The following NAALADL2 variants were observed in gnomAD, a reference collection of about 807,000 sequenced individuals.
NAALADL2 encodes the protein N-acetylated alpha-linked acidic dipeptidase like 2.
Under a neutral mutation model 87.2 loss-of-function variants are expected in NAALADL2, and 76 were observed. That is an observed-to-expected ratio of 0.87 (90% CI 0.72 to 1.05). The LOEUF is 1.05. Ranked by LOEUF, NAALADL2 falls within the 50% of genes least tolerant of loss-of-function variation. NAALADL2 has a pLI of 0.00. For synonymous variants in NAALADL2, 354 were observed against 331.0 expected (o/e 1.07, Z -0.75); for missense variants, 1,089 against 945.8 (o/e 1.15, Z -1.99).
chr3:175,371,920 G>C (rs368955626), intron 5 of NAALADL2, among the ~76,000 whole-genome samples: 1 of 151,990 alleles, frequency 6.6e-6, no homozygotes, highest in Non-Finnish European at 1.5e-5. Context: ...TCCACAAAGC[G>C]TTCCTTCTAG....
chr3:175,076,441 G>A (rs1303176993), intron 1 of NAALADL2, among the ~76,000 whole-genome samples: 1 of 151,628 alleles, frequency 6.6e-6, no homozygotes, highest in Non-Finnish European at 1.5e-5. Flanking sequence ...TGATAGCAGT[G>A]TGTAATATAG....
intron 1 of NAALADL2, among the ~76,000 whole-genome samples, chr3:174,904,804 C>T (rs889403281): frequency 1.3e-5 from 2 of 151,826 alleles, no homozygotes; most frequent in Admixed American, 1.3e-4. Flanking sequence ...GAAATAGTTA[C>T]ATCACCAATT....
chr3:175,521,166 CTT>C, intron 9 of NAALADL2, among the ~76,000 whole-genome samples: 1 of 151,508 alleles, frequency 6.6e-6, no homozygotes, highest in South Asian at 2.1e-4. Context: ...TCTACAGAGA[CTT>C]TATTTGTCTC....
At chr3:175,083,241 C>T (rs981440448) in intron 1 of NAALADL2, among the ~76,000 whole-genome samples, 1 of 152,178 alleles carries the variant, frequency 6.6e-6, no homozygotes, top group Non-Finnish European at 1.5e-5. Flanking sequence ...TGACACACAG[C>T]CTGGAAGTTC....
chr3:174,923,110 A>G (rs996210367), intron 1 of NAALADL2, among the ~76,000 whole-genome samples: 17 of 152,190 alleles, frequency 1.1e-4, no homozygotes, highest in South Asian at 4.1e-4. Context: ...CAGGGTAAAT[A>G]CAAGATGAGC....
chr3:174,882,651 A>ACACATATGTGCATATG (rs1729457380), intron 1 of NAALADL2, among the ~76,000 whole-genome samples: 3 of 132,794 alleles, frequency 2.3e-5, no homozygotes, highest in Admixed American at 1.4e-4. Flanking sequence ...ATGTGCATAT[A>ACACATATGTGCATATG]CACATATGTG....
chr3:175,039,952 C>T (rs923583380), intron 1 of NAALADL2, among the ~76,000 whole-genome samples: 8 of 152,026 alleles, frequency 5.3e-5, no homozygotes, highest in African/African-American at 1.7e-4. Context: ...ACTGATTATA[C>T]TCAGTTTTTA....
intron 2 of NAALADL2, among the ~76,000 whole-genome samples, chr3:174,607,482 C>G (rs1158277517): frequency 6.7e-6 from 1 of 149,316 alleles, no homozygotes; most frequent in African/African-American, 2.5e-5. Flanking sequence ...ATCTACCAAG[C>G]AAATGGAAAA....
chr3:175,259,685 G>A (rs1750676713), intron 4 of NAALADL2, among the ~76,000 whole-genome samples: 1 of 152,118 alleles, frequency 6.6e-6, no homozygotes, highest in South Asian at 2.1e-4. Context: ...TATAATTGTT[G>A]TGTATTTATT....
intron 10 of NAALADL2, among the ~76,000 whole-genome samples, chr3:175,600,697 C>T (rs1722861733): frequency 6.6e-6 from 1 of 151,576 alleles, no homozygotes; most frequent in Non-Finnish European, 1.5e-5. Flanking sequence ...GCTACCACGC[C>T]CGGCTAATTT....
At chr3:175,313,913 C>T (rs968699277) in intron 4 of NAALADL2, among the ~76,000 whole-genome samples, 1 of 151,512 alleles carries the variant, frequency 6.6e-6, no homozygotes, top group Non-Finnish European at 1.5e-5. Flanking sequence ...AAATAAAAAA[C>T]TAGCTGGGAG....
chr3:174,668,584 G>A (rs181233656), intron 2 of NAALADL2, among the ~76,000 whole-genome samples: 13 of 151,458 alleles, frequency 8.6e-5, no homozygotes, highest in East Asian at 3.9e-4. Flanking sequence ...CCCCCACCCC[G>A]CAACGGGCCC....
intron 1 of NAALADL2, among the ~76,000 whole-genome samples, chr3:175,002,945 T>C (rs9849027): frequency 0.029 from 4,465 of 152,258 alleles, 231 homozygotes; most frequent in African/African-American, 0.1. Context: ...ACTCTTTCCA[T>C]GGAGTGAATG....
intron 1 of NAALADL2, among the ~76,000 whole-genome samples, chr3:174,865,579 A>G (rs984690693): frequency 6.6e-6 from 1 of 151,908 alleles, no homozygotes; most frequent in East Asian, 1.9e-4. Flanking sequence ...TTTCTCCATC[A>G]CATCCACATT....
chr3:175,425,149 T>C (rs922158011), intron 5 of NAALADL2, among the ~76,000 whole-genome samples: 1 of 152,192 alleles, frequency 6.6e-6, no homozygotes, highest in Non-Finnish European at 1.5e-5. Context: ...GCTAAGAGCA[T>C]TGTGGAACCA....
At chr3:174,804,597 G>T (rs969210785) in intron 3 of NAALADL2, among the ~76,000 whole-genome samples, 1 of 152,150 alleles carries the variant, frequency 6.6e-6, no homozygotes, top group African/African-American at 2.4e-5. Context: ...GATACTGGCT[G>T]TGGGTTTGTC....
chr3:175,424,452 G>A (rs1184059238), intron 5 of NAALADL2, among the ~76,000 whole-genome samples: 2 of 152,096 alleles, frequency 1.3e-5, no homozygotes, highest in Admixed American at 1.3e-4. Flanking sequence ...GTAAGGAAGG[G>A]ATCCAGTTTC....
At chr3:175,070,562 T>C (rs545627008) in intron 1 of NAALADL2, among the ~76,000 whole-genome samples, 1 of 152,202 alleles carries the variant, frequency 6.6e-6, no homozygotes, top group Admixed American at 6.6e-5. Context: ...TACTAAAGTG[T>C]AGCACATTCT....
At chr3:175,530,465 G>A (rs1281948667) in intron 9 of NAALADL2, among the ~76,000 whole-genome samples, 1 of 152,196 alleles carries the variant, frequency 6.6e-6, no homozygotes, top group Non-Finnish European at 1.5e-5. Flanking sequence ...ACTGCTTGAA[G>A]TTCTGCCCAC....
Sources: allele counts gnomAD v4.1 joint callset (sites outside exome capture counted in the v4.1 genomes callset), GRCh38; gene constraint gnomAD v4.1.1; transcripts MANE v1.5; gene names NCBI Gene and HGNC (gene_info 2026-07-23, HGNC 2026-07-21).